Variants in HACE1 observed in about 807,000 individuals in gnomAD.
HACE1 encodes the protein HECT domain and ankyrin repeat containing E3 ubiquitin protein ligase 1.
In HACE1, 73 loss-of-function variants were observed where a neutral mutation model predicts 118.4. The observed-to-expected ratio is 0.62, with a 90% CI of 0.51 to 0.75. HACE1 has a LOEUF of 0.75. Among genes scored for constraint, HACE1 ranks in the 30% least tolerant of loss-of-function variants. The pLI is 0.00. For synonymous variants in HACE1, 368 were observed against 374.8 expected (o/e 0.98, Z 0.21); for missense variants, 749 against 1,102.2 (o/e 0.68, Z 4.54).
intron 19 of HACE1, among the ~76,000 whole-genome samples, chr6:104,760,698 G>A (rs139875915): frequency 1.2e-3 from 181 of 152,278 alleles, no homozygotes; most frequent in African/African-American, 4.1e-3. Context: ...TCTGGCCAGG[G>A]CAATCAGGCA....
chr6:104,844,494 C>T (rs1175484411), intron 4 of HACE1, among the ~76,000 whole-genome samples: 1 of 151,568 alleles, frequency 6.6e-6, no homozygotes, highest in Non-Finnish European at 1.5e-5. Context: ...CAGACATGCA[C>T]CACCACGCCA....
In HACE1 at chr6:104,775,387, G is replaced by GA. The variant is rs1252072813; in HGVS notation, c.1864+1353dup. On this transcript the variant is annotated intron_variant, in intron 17 of 23. Coordinates refer to ENST00000262903, the MANE Select transcript of HACE1 (RefSeq NM_020771.4). ...TGACAGAGCGAGACTCTGTCTCAAAGAAAAAAAAAAACAAAAAACTTTATG... is the reference window on the plus strand; with the variant it reads ...TGACAGAGCGAGACTCTGTCTCAAAGAAAAAAAAAAAACAAAAAACTTTATG... Among the ~76,000 whole-genome samples, 967 of 141,018 alleles carry GA rather than the reference G, an allele frequency of 6.9e-3. 7 individuals carry two copies. The highest frequency in any genetic ancestry group is 0.035 in the Middle Eastern group (10 of 282). 92.5% of individuals were successfully genotyped at this position (141,018 alleles called of 152,430 possible).
intron 19 of HACE1, among the ~76,000 whole-genome samples, chr6:104,761,492 C>A (rs1779352479): frequency 6.6e-6 from 1 of 152,120 alleles, no homozygotes; most frequent in Admixed American, 6.5e-5. Flanking sequence ...ACTGGCTAGC[C>A]ATATGCAGAA....
chr6:104,797,756 T>A (rs1029583786), intron 7 of HACE1, among the ~76,000 whole-genome samples: 2 of 152,020 alleles, frequency 1.3e-5, no homozygotes, highest in African/African-American at 4.8e-5. Context: ...GGGAAATTAA[T>A]GTTAACAGCT....
chr6:104,762,717 G>A (rs1291662370), intron 19 of HACE1, among the ~76,000 whole-genome samples: 5 of 152,008 alleles, frequency 3.3e-5, no homozygotes, highest in East Asian at 1.9e-4. Flanking sequence ...AAGGCCGGGC[G>A]CGGTAGCTCA....
intron 11 of HACE1, among the ~76,000 whole-genome samples, chr6:104,788,758 C>A (rs774288726): frequency 9.9e-5 from 15 of 152,068 alleles, no homozygotes; most frequent in Non-Finnish European, 1.8e-4. Flanking sequence ...TGATCTTCTC[C>A]TTCAAATGCT....
At chr6:104,754,026 C>G (rs1349497280) in intron 19 of HACE1, among the ~76,000 whole-genome samples, 1 of 152,112 alleles carries the variant, frequency 6.6e-6, no homozygotes, top group East Asian at 1.9e-4. Flanking sequence ...AATACAGGAG[C>G]TGACAGCCAC....
At chr6:104,768,559 C>A (rs1780254682) in intron 19 of HACE1, among the ~76,000 whole-genome samples, 1 of 151,460 alleles carries the variant, frequency 6.6e-6, no homozygotes, top group African/African-American at 2.4e-5. Context: ...ATGTTGAAAC[C>A]TCAACAATTT....
intron 22 of HACE1, among the ~76,000 whole-genome samples, chr6:104,738,944 A>C (rs1309492945): frequency 6.7e-6 from 1 of 150,192 alleles, no homozygotes; most frequent in Admixed American, 6.6e-5. Context: ...CTCAAAGGGA[A>C]GCCCATCAGA....
chr6:104,855,172 C>G (rs1776596155), intron 1 of HACE1, among the ~76,000 whole-genome samples: 1 of 152,140 alleles, frequency 6.6e-6, no homozygotes, highest in Non-Finnish European at 1.5e-5. Context: ...TGGCTGGGTG[C>G]AGTGGCTCAC....
At chr6:104,798,189 T>A (rs1276841696) in intron 7 of HACE1, among the ~76,000 whole-genome samples, 2 of 152,134 alleles carry the variant, frequency 1.3e-5, no homozygotes, top group African/African-American at 2.4e-5. Flanking sequence ...GCAAGTAATC[T>A]AAGCACAGGT....
chr6:104,744,409 T>A (rs1777178886), intron 21 of HACE1, 103 bp downstream of exon 21: 13 of 835,612 alleles, frequency 1.6e-5, no homozygotes, highest in Non-Finnish European at 2.5e-5. Context: ...GGGTAAACAC[T>A]TTACTTTGTT....
chr6:104,830,088 TA>T (rs1773708498), intron 6 of HACE1, among the ~76,000 whole-genome samples: 1 of 152,198 alleles, frequency 6.6e-6, no homozygotes, highest in Admixed American at 6.5e-5. Flanking sequence ...AGTATTTTCC[TA>T]TCCAAGTTCC....
chr6:104,832,679 C>T (rs1479819057), intron 6 of HACE1, among the ~76,000 whole-genome samples: 2 of 152,108 alleles, frequency 1.3e-5, no homozygotes, highest in South Asian at 4.2e-4. Flanking sequence ...CTGTGAGCCA[C>T]GGCTCCCAGC....
chr6:104,748,084 CA>C (rs201061477), intron 20 of HACE1, among the ~76,000 whole-genome samples: 2 of 150,574 alleles, frequency 1.3e-5, no homozygotes, highest in African/African-American at 4.9e-5. Context: ...CTTCTTCCAT[CA>C]AAAAAAACAA....
intron 19 of HACE1, among the ~76,000 whole-genome samples, chr6:104,761,338 T>G (rs1459575231): frequency 6.6e-6 from 1 of 152,178 alleles, no homozygotes; most frequent in African/African-American, 2.4e-5. Flanking sequence ...ATGGTACTGG[T>G]ACCAAAACGA....
At chr6:104,810,839 A>G (rs1771522499) in intron 7 of HACE1, among the ~76,000 whole-genome samples, 1 of 152,028 alleles carries the variant, frequency 6.6e-6, no homozygotes, top group Admixed American at 6.5e-5. Flanking sequence ...TTTTTTGGTT[A>G]TAGATACAGA....
chr6:104,763,462 A>G (rs1390170891), intron 19 of HACE1, among the ~76,000 whole-genome samples: 4 of 152,192 alleles, frequency 2.6e-5, no homozygotes, highest in Non-Finnish European at 5.9e-5. Flanking sequence ...CAGAAAGTAA[A>G]GGGATCACTA....
chr6:104,805,116 A>G (rs1005936397), intron 7 of HACE1, among the ~76,000 whole-genome samples: 2 of 152,248 alleles, frequency 1.3e-5, no homozygotes, highest in African/African-American at 4.8e-5. Context: ...GCTCATCGTC[A>G]CTGGTCATTA....
Sources: gnomAD v4.1 joint callset for allele counts (sites outside exome capture counted in the v4.1 genomes callset) on GRCh38, gnomAD v4.1.1 for gene constraint, MANE v1.5 for transcripts, NCBI Gene and HGNC (gene_info 2026-07-23, HGNC 2026-07-21) for gene names.